Variants in KCNIP1 observed in about 807,000 individuals in gnomAD.
The protein encoded by KCNIP1 is A-type potassium channel modulatory protein KCNIP1.
Under a neutral mutation model 33.0 loss-of-function variants are expected in KCNIP1, and 18 were observed. That is an observed-to-expected ratio of 0.55 (90% CI 0.38 to 0.81). The LOEUF is 0.81. KCNIP1 is among the 30% of genes least tolerant of loss of function. The pLI, the probability that KCNIP1 is intolerant of heterozygous loss-of-function variation, is 0.00. For missense variants in KCNIP1, 238 were observed against 271.6 expected, an observed-to-expected ratio of 0.88 and a Z score of 0.87; for synonymous variants, 93 against 98.3, an observed-to-expected ratio of 0.95 and a Z score of 0.32.
chr5:170,424,189 C>T (rs1036878779), intron 1 of KCNIP1, among the ~76,000 whole-genome samples: 4 of 152,082 alleles, frequency 2.6e-5, no homozygotes, highest in South Asian at 2.1e-4. Flanking sequence ...TACCCAAGTG[C>T]GGGGTAGCAG....
chr5:170,478,201 C>T (rs1256808581), intron 1 of KCNIP1, among the ~76,000 whole-genome samples: 4 of 152,146 alleles, frequency 2.6e-5, no homozygotes, highest in African/African-American at 9.7e-5. Context: ...AGATTTGGGG[C>T]TTTATCCAAA....
In KCNIP1 at chr5:170,543,730, G is replaced by A. The variant is rs539164118; in HGVS notation, c.61+39097G>A. ...CAACTTTGTCACTTTTCTCTTCTTC[G>A]GTTGCTAACTAGTTTAACTCTGCCA... is the stretch of plus-strand genomic sequence containing the variant. On this transcript the variant is annotated intron_variant, in intron 1 of 7. Coordinates refer to ENST00000328939, the MANE Select transcript of KCNIP1 (RefSeq NM_014592.4). 4.6e-5 allele frequency among the ~76,000 whole-genome samples: 7 copies of A among 152,180 alleles called. No homozygotes were observed. In the South Asian group the frequency reaches 1.2e-3, roughly 27 times the overall value.
intron 1 of KCNIP1, among the ~76,000 whole-genome samples, chr5:170,552,242 G>A (rs1197431796): frequency 6.6e-6 from 1 of 152,162 alleles, no homozygotes; most frequent in East Asian, 1.9e-4. Context: ...TTCACACATT[G>A]AGGCCACACA....
intron 1 of KCNIP1, among the ~76,000 whole-genome samples, chr5:170,528,712 T>G (rs1384502849): frequency 6.6e-6 from 1 of 152,212 alleles, no homozygotes; most frequent in Non-Finnish European, 1.5e-5. Context: ...TTCTGGGACC[T>G]CAAAGTGCCA....
intron 1 of KCNIP1, among the ~76,000 whole-genome samples, chr5:170,409,381 T>G (rs1306438312): frequency 6.6e-6 from 1 of 152,106 alleles, no homozygotes; most frequent in Non-Finnish European, 1.5e-5. Context: ...GGGGTCACAA[T>G]GTGTGCAATG....
At chr5:170,488,826 A>G (rs1757148346) in intron 1 of KCNIP1, among the ~76,000 whole-genome samples, 1 of 152,158 alleles carries the variant, frequency 6.6e-6, no homozygotes, top group South Asian at 2.1e-4. Flanking sequence ...ACGTGAGCAA[A>G]TGCCAGGCCT....
chr5:170,480,117 A>T (rs966406082), intron 1 of KCNIP1, among the ~76,000 whole-genome samples: 1 of 152,214 alleles, frequency 6.6e-6, no homozygotes, highest in African/African-American at 2.4e-5. Flanking sequence ...TACACTGGTT[A>T]CAAAGGCATG....
intron 1 of KCNIP1, among the ~76,000 whole-genome samples, chr5:170,388,053 C>G (rs12517309): frequency 0.014 from 2,141 of 152,338 alleles, 23 homozygotes; most frequent in Middle Eastern, 0.051. Context: ...GCCTCCTCTG[C>G]TATTTGGCTT....
intron 1 of KCNIP1, among the ~76,000 whole-genome samples, chr5:170,655,125 ATCTTAAGTCAT>A (rs1321660446): frequency 3.9e-5 from 6 of 152,238 alleles, no homozygotes; most frequent in African/African-American, 1.4e-4. Flanking sequence ...CCTTCAAAAT[ATCTTAAGTCAT>A]TCTTAAAATA....
At chr5:170,432,365 G>A (rs1008971521) in intron 1 of KCNIP1, among the ~76,000 whole-genome samples, 2 of 152,146 alleles carry the variant, frequency 1.3e-5, no homozygotes, top group African/African-American at 4.8e-5. Flanking sequence ...TATGTATTGG[G>A]AATGGTGCCT....
intron 1 of KCNIP1, among the ~76,000 whole-genome samples, chr5:170,577,137 A>G (rs2113505490): frequency 6.6e-6 from 1 of 152,328 alleles, no homozygotes; most frequent in South Asian, 2.1e-4. Flanking sequence ...CCTTCCGGCT[A>G]GCCCAGTTGG....
At chr5:170,501,023 C>T (rs970922171), upstream of KCNIP1, among the ~76,000 whole-genome samples, 1 of 152,170 alleles carries the variant, frequency 6.6e-6, no homozygotes, top group African/African-American at 2.4e-5. Context: ...GGCTGCACCC[C>T]TGTCAGAAAC....
intron 1 of KCNIP1, among the ~76,000 whole-genome samples, chr5:170,671,416 A>G (rs1447725899): frequency 1.3e-5 from 2 of 152,024 alleles, no homozygotes; most frequent in African/African-American, 4.8e-5. Flanking sequence ...TGCCCCACCT[A>G]CCACCTAGTT....
intron 1 of KCNIP1, among the ~76,000 whole-genome samples, chr5:170,684,751 C>A (rs1363906586): frequency 6.6e-6 from 1 of 152,158 alleles, no homozygotes; most frequent in African/African-American, 2.4e-5. Context: ...TAAATGTGTT[C>A]CTCTGCAACC....
In KCNIP1 at chr5:170,696,342, T is replaced by G. The variant is rs1489957318; in HGVS notation, c.62-22416T>G. Among the ~76,000 whole-genome samples, 46 of 131,546 alleles carry G rather than the reference T, an allele frequency of 3.5e-4. 1 individual carries two copies. The Admixed American group carries it at 3.6e-3, about 10-fold the overall frequency. The allele number at this position is 131,546 out of a possible 152,430, so 86.3% of individuals were successfully genotyped here. ...TGTTGCTGATGCCTGGACCTAAGCC[T>G]GGCACAGAGTAGGAGCTCAACAAAT... On this transcript the variant is annotated intron_variant, in intron 1 of 7. Coordinates refer to ENST00000328939, the MANE Select transcript of KCNIP1 (RefSeq NM_014592.4).
At chr5:170,594,239 C>G (rs1758365503) in intron 1 of KCNIP1, among the ~76,000 whole-genome samples, 1 of 152,190 alleles carries the variant, frequency 6.6e-6, no homozygotes, top group Non-Finnish European at 1.5e-5. Context: ...GGTACCTCTT[C>G]CTTCCTGATA....
intron 1 of KCNIP1, among the ~76,000 whole-genome samples, chr5:170,674,151 G>GGAAA (rs1762030796): frequency 4.4e-5 from 3 of 67,738 alleles, no homozygotes; most frequent in African/African-American, 2.1e-4. Flanking sequence ...AAGGAAGGAA[G>GGAAA]GAAGGAAGGA....
intron 1 of KCNIP1, among the ~76,000 whole-genome samples, chr5:170,469,262 G>A (rs560287311): frequency 1.3e-5 from 2 of 152,028 alleles, no homozygotes; most frequent in Non-Finnish European, 2.9e-5. Context: ...GAGCATGGTG[G>A]TGTACACCTG....
chr5:170,390,466 A>T (rs1764672816), intron 1 of KCNIP1, among the ~76,000 whole-genome samples: 1 of 145,956 alleles, frequency 6.9e-6, no homozygotes, highest in South Asian at 2.1e-4. Context: ...AGATTGTGCC[A>T]CTGCACTCTA....
Sources: allele counts gnomAD v4.1 joint callset (sites outside exome capture counted in the v4.1 genomes callset), GRCh38; gene constraint gnomAD v4.1.1; transcripts MANE v1.5; gene names NCBI Gene and HGNC (gene_info 2026-07-23, HGNC 2026-07-21).